SFT2D2: variants seen among roughly 807,000 people sequenced by gnomAD.
SFT2D2 encodes the protein SFT2 domain containing 2.
SFT2D2 carries 21 observed loss-of-function variants against 27.4 expected under a neutral mutation model. The observed-to-expected ratio is 0.77, with a 90% confidence interval of 0.54 to 1.10. The LOEUF (loss-of-function observed/expected upper bound fraction) is 1.10, where lower values mean the gene tolerates loss of function less well. Ranked by LOEUF, SFT2D2 falls within the 50% of genes least tolerant of loss-of-function variation. The pLI is 0.00. For synonymous variants in SFT2D2, 72 were observed against 71.7 expected (o/e 1.00, Z -0.02); for missense variants, 187 against 194.2 (o/e 0.96, Z 0.22).
chr1:168,237,750 T>C (rs1647539593), intron 6 of SFT2D2, among the ~76,000 whole-genome samples: 2 of 152,166 alleles, frequency 1.3e-5, no homozygotes, highest in Non-Finnish European at 2.9e-5. Context: ...TAGTTACAAA[T>C]TGCCTTTTGG....
chr1:168,235,260 C>T (rs932463747), intron 4 of SFT2D2, 78 bp downstream of exon 4: 1 of 1,336,088 alleles, frequency 7.5e-7, no homozygotes, highest in Non-Finnish European at 1.1e-6. Flanking sequence ...CTTTTTAAAT[C>T]TAAAGACCTC....
rs771587100 is a variant in SFT2D2, at chr1:168,246,954, A to G, written c.*4414A>G. The G allele has an allele frequency of 4.6e-6, 3 of 645,362 alleles. No individual in the cohort carries two copies. In the Admixed American group the frequency reaches 5.9e-5, roughly 13 times the overall value. The allele number at this position is 645,362 out of a possible 1,614,324, so 40.0% of individuals were successfully genotyped here. A position where few individuals can be genotyped will look rare whatever the true frequency, so the allele number is the denominator to read the frequency against. Reference sequence around the variant, plus strand: ...GTGTATTTCCAGCCTGAGCCTGGCAATTTCATCTTGCATCAAATGGTTTTT... The same window carrying G: ...GTGTATTTCCAGCCTGAGCCTGGCAGTTTCATCTTGCATCAAATGGTTTTT... On this transcript the variant is annotated 3_prime_UTR_variant, in exon 8 of 8. Transcript: ENST00000271375.
chr1:168,230,597 C>A (rs1398369859), intron 1 of SFT2D2, among the ~76,000 whole-genome samples: 2 of 152,312 alleles, frequency 1.3e-5, no homozygotes, highest in East Asian at 3.9e-4. Context: ...CCTCAGCCTT[C>A]CAAGTAGCAG....
chr1:168,233,082 A>G lies in SFT2D2; in HGVS notation c.236+1163A>G, dbSNP rs534391370. Among the ~76,000 whole-genome samples the G allele has an allele frequency of 2.0e-5, 3 of 152,286 alleles. No homozygotes were observed. The South Asian group carries it at 6.2e-4, about 32-fold the overall frequency. On this transcript the variant is annotated intron_variant, in intron 3 of 7. Coordinates refer to ENST00000271375, the MANE Select transcript of SFT2D2 (RefSeq NM_199344.3). ...ATGAAGTCCAAATTCCTCAGCACGCATACAGTCAAGCGTCTTTGAGATCTG... is the reference window on the plus strand; with the variant it reads ...ATGAAGTCCAAATTCCTCAGCACGCGTACAGTCAAGCGTCTTTGAGATCTG...
In SFT2D2 at chr1:168,246,911, G is replaced by T. The variant is rs555384701; in HGVS notation, c.*4371G>T. On this transcript the variant is annotated 3_prime_UTR_variant, in exon 8 of 8. Transcript: ENST00000271375. Reference sequence around the variant, plus strand: ...TGTCTTTTAAGTATTTCTTTTCCAGGATTTGATTTTTTATTGTGTGTATTT... The same window carrying T: ...TGTCTTTTAAGTATTTCTTTTCCAGTATTTGATTTTTTATTGTGTGTATTT... 1.6e-6 allele frequency: 1 copy of T among 609,516 alleles called. No individual in the cohort carries two copies. Among genetic ancestry groups the T allele is most frequent in the Non-Finnish European group, 3.0e-6 (1 of 334,846 alleles). 37.8% of individuals were successfully genotyped at this position (609,516 alleles called of 1,614,324 possible).
At chr1:168,230,640 A>C (rs1647243753) in intron 1 of SFT2D2, among the ~76,000 whole-genome samples, 1 of 151,924 alleles carries the variant, frequency 6.6e-6, no homozygotes, top group African/African-American at 2.4e-5. Flanking sequence ...CACCTGGCTA[A>C]TTTTTTGTAT....
chr1:168,242,445 A>T, intron 7 of SFT2D2, 56 bp from the exon 8 acceptor site: 1 of 1,609,014 alleles, frequency 6.2e-7, no homozygotes, highest in South Asian at 1.1e-5. Flanking sequence ...TGCCCTCTAA[A>T]GGAGTGCCTT....
chr1:168,237,211 CAGAA>C, intron 6 of SFT2D2, among the ~76,000 whole-genome samples: 1 of 152,262 alleles, frequency 6.6e-6, no homozygotes, highest in South Asian at 2.1e-4. Flanking sequence ...AATCATTTAA[CAGAA>C]GGACAAAGAG....
chr1:168,229,505 C>G (rs932412736), intron 1 of SFT2D2: 5 of 152,298 alleles, frequency 3.3e-5, no homozygotes, highest in Non-Finnish European at 5.9e-5. Context: ...CTTACTACCA[C>G]TTTTTTCTTG....
intron 3 of SFT2D2, among the ~76,000 whole-genome samples, chr1:168,232,560 C>CT (rs1647354407): frequency 6.6e-6 from 1 of 152,188 alleles, no homozygotes; most frequent in Admixed American, 6.5e-5. Flanking sequence ...TCCCTTGTGT[C>CT]TCTGTAAATG....
intron 7 of SFT2D2, among the ~76,000 whole-genome samples, chr1:168,239,531 T>C (rs563374832): frequency 6.6e-6 from 1 of 151,394 alleles, no homozygotes; most frequent in Non-Finnish European, 1.5e-5. Context: ...GGATCTCAAT[T>C]CGTGCTTCTT....
At chr1:168,227,920 A>G (rs1016423293) in intron 1 of SFT2D2, among the ~76,000 whole-genome samples, 1 of 152,226 alleles carries the variant, frequency 6.6e-6, no homozygotes, top group African/African-American at 2.4e-5. Context: ...AAAGTTTGCA[A>G]ACATAAATGC....
Position 168,248,090 on chromosome 1 carries a change from T to G in SFT2D2, c.*5550T>G, listed in dbSNP as rs1448729348. 1 of 152,226 alleles carries G rather than the reference T, an allele frequency of 6.6e-6. No individual in the cohort carries two copies. Among genetic ancestry groups the G allele is most frequent in the African/African-American group, 2.4e-5 (1 of 41,458 alleles). 9.4% of individuals were successfully genotyped at this position (152,226 alleles called of 1,614,324 possible). A position where few individuals can be genotyped will look rare whatever the true frequency, so the allele number is the denominator to read the frequency against. On this transcript the variant is annotated 3_prime_UTR_variant, in exon 8 of 8. Coordinates refer to ENST00000271375, the MANE Select transcript of SFT2D2 (RefSeq NM_199344.3). Reference sequence around the variant, plus strand: ...TTAGCCCTTTGTCAGATGGATAGATTGCAAAAATTTTCTCCCATTCTGTAG... The same window carrying G: ...TTAGCCCTTTGTCAGATGGATAGATGGCAAAAATTTTCTCCCATTCTGTAG...
rs987980307 is a variant in SFT2D2, at chr1:168,247,751, C to T, written c.*5211C>T. 1.3e-5 allele frequency: 2 copies of T among 152,242 alleles called. No individual in the cohort carries two copies. The highest frequency in any genetic ancestry group is 2.9e-5 in the Non-Finnish European group (2 of 68,050). 9.4% of individuals were successfully genotyped at this position (152,242 alleles called of 1,614,324 possible). On this transcript the variant is annotated 3_prime_UTR_variant, in exon 8 of 8. Transcript: ENST00000271375. Reference sequence around the variant, plus strand: ...TCTAGATCCTTGAGGAATCGCCACACTGTCTTTCACAATGGTTGAACTAAT... The same window carrying T: ...TCTAGATCCTTGAGGAATCGCCACATTGTCTTTCACAATGGTTGAACTAAT...
At chr1:168,239,755 G>T (rs1397117959) in intron 7 of SFT2D2, among the ~76,000 whole-genome samples, 1 of 151,412 alleles carries the variant, frequency 6.6e-6, no homozygotes, top group African/African-American at 2.4e-5. Context: ...AGCACTTTCA[G>T]TGACGGACCT....
chr1:168,239,961 G>T (rs1347405584), intron 7 of SFT2D2, among the ~76,000 whole-genome samples: 1 of 151,740 alleles, frequency 6.6e-6, no homozygotes, highest in Non-Finnish European at 1.5e-5. Flanking sequence ...GGATCCTGCT[G>T]TCAGGAGATC....
chr1:168,232,848 C>T (rs1403944208), intron 3 of SFT2D2, among the ~76,000 whole-genome samples: 2 of 152,202 alleles, frequency 1.3e-5, no homozygotes, highest in Non-Finnish European at 1.5e-5. Context: ...CCGACACGAC[C>T]TGAGTCAGGG....
intron 7 of SFT2D2, among the ~76,000 whole-genome samples, chr1:168,242,282 A>C (rs1647666967): frequency 2.0e-5 from 3 of 152,218 alleles, no homozygotes; most frequent in African/African-American, 7.2e-5. Context: ...AAGTGGGGAC[A>C]TCCCCTCTTA....
chr1:168,231,821 C>T lies in SFT2D2; in HGVS notation c.151-13C>T. ...GGGTTGCTCATGTGCAAACACTGTACTTTAAATTCCAGGGTACTGTTCTGC... is the reference window on the plus strand; with the variant it reads ...GGGTTGCTCATGTGCAAACACTGTATTTTAAATTCCAGGGTACTGTTCTGC... On this transcript the variant is annotated splice_polypyrimidine_tract_variant and intron_variant, in intron 2 of 7. Coordinates refer to ENST00000271375, the MANE Select transcript of SFT2D2 (RefSeq NM_199344.3). The T allele has an allele frequency of 6.2e-7, 1 of 1,613,526 alleles. No individual in the cohort carries two copies. Among genetic ancestry groups the T allele is most frequent in the Non-Finnish European group, 8.5e-7 (1 of 1,179,470 alleles).
Sources: allele counts gnomAD v4.1 joint callset (sites outside exome capture counted in the v4.1 genomes callset), GRCh38; gene constraint gnomAD v4.1.1; transcripts MANE v1.5; gene names NCBI Gene and HGNC (gene_info 2026-07-23, HGNC 2026-07-21).